The following PLPPR5 variants were observed in gnomAD, a reference collection of about 807,000 sequenced individuals.
PLPPR5 encodes the protein phospholipid phosphatase-related protein type 5.
In PLPPR5, 16 loss-of-function variants were observed where a neutral mutation model predicts 33.9. The observed-to-expected ratio is 0.47, with a 90% CI of 0.32 to 0.72. The LOEUF is 0.72. PLPPR5 is among the 30% of genes least tolerant of loss of function. PLPPR5 has a pLI of 0.03. For synonymous variants in PLPPR5, 163 were observed against 150.3 expected (o/e 1.08, Z -0.62); for missense variants, 301 against 406.7 (o/e 0.74, Z 2.23).
Position 99,004,552 on chromosome 1 carries a change from C to G in PLPPR5, c.120G>C (p.Val40=). Residue 40 remains valine (V), a synonymous_variant, in exon 1 of 6, where the codon GTG becomes GTC. Coordinates refer to ENST00000263177, the MANE Select transcript of PLPPR5 (RefSeq NM_001037317.2). ...FEYTDTFTVN[V]QGFFCHDSAY... ...CGCTGTCGTGGCAGAAGAAGCCCTG[C>G]ACGTTCACGGTGAACGTGTCCGTAT... 2 of 1,613,138 alleles carry G rather than the reference C, an allele frequency of 1.2e-6. No individual in the cohort carries two copies. The highest frequency in any genetic ancestry group is 2.2e-5 in the South Asian group (2 of 91,086).
At chr1:98,978,652 ATC>A (rs1651950890) in intron 1 of PLPPR5, among the ~76,000 whole-genome samples, 1 of 152,028 alleles carries the variant, frequency 6.6e-6, no homozygotes, top group Non-Finnish European at 1.5e-5. Flanking sequence ...TGGTTTTTTA[ATC>A]TGTTTCTTCT....
At chr1:98,901,012 C>T (rs1268084465) in intron 5 of PLPPR5, among the ~76,000 whole-genome samples, 3 of 152,128 alleles carry the variant, frequency 2.0e-5, no homozygotes, top group African/African-American at 7.2e-5. Context: ...AATATGTGTA[C>T]TCCCAAAAAA....
intron 4 of PLPPR5, among the ~76,000 whole-genome samples, chr1:98,920,611 C>CAAAAAAAAAAAAAAAAAAAAAAAAAA (rs1649516103): frequency 4.2e-5 from 1 of 23,926 alleles, no homozygotes; most frequent in Non-Finnish European, 1.2e-4. Flanking sequence ...AAAAAAAAAG[C>CAAAAAAAAAAAAAAAAAAAAAAAAAA]AGCACAGGAT....
At chr1:98,944,761 A>C (rs1167367077) in intron 3 of PLPPR5, among the ~76,000 whole-genome samples, 1 of 152,198 alleles carries the variant, frequency 6.6e-6, no homozygotes, top group Admixed American at 6.5e-5. Context: ...TGGGGAAAGC[A>C]GCTCTGGTAC....
At chr1:99,005,082 C>G (rs1243981598), upstream of PLPPR5, 1 of 152,776 alleles carries the variant, frequency 6.5e-6, no homozygotes, top group Non-Finnish European at 1.5e-5. Context: ...GCGGACGGGG[C>G]GGCAGCCGGC....
At chr1:98,949,610 T>G (rs990656687) in intron 3 of PLPPR5, among the ~76,000 whole-genome samples, 5 of 152,204 alleles carry the variant, frequency 3.3e-5, no homozygotes, top group African/African-American at 9.6e-5. Context: ...ATCAAAATTC[T>G]GGCAAGCATT....
In PLPPR5 at chr1:98,945,851, G is replaced by C. The variant is rs191076053; in HGVS notation, c.621+7219C>G. ...AAGCTGGTGATGGTTTAGAAACTCT[G>C]AGGTGGACAATGCAGTACTGGCTCT... On this transcript the variant is annotated intron_variant, in intron 3 of 5. Transcript: ENST00000263177. 3.9e-5 allele frequency among the ~76,000 whole-genome samples: 6 copies of C among 152,282 alleles called. No homozygotes were observed. In the East Asian group the frequency reaches 1.2e-3, roughly 29 times the overall value.
intron 1 of PLPPR5, among the ~76,000 whole-genome samples, chr1:98,976,361 A>C (rs1651852896): frequency 6.6e-6 from 1 of 152,112 alleles, no homozygotes; most frequent in South Asian, 2.1e-4. Flanking sequence ...TTTTTACAAA[A>C]AGGTGATGTA....
intron 4 of PLPPR5, among the ~76,000 whole-genome samples, chr1:98,920,151 C>T (rs1336747340): frequency 6.6e-6 from 1 of 152,062 alleles, no homozygotes; most frequent in Non-Finnish European, 1.5e-5. Flanking sequence ...TCAACATTCA[C>T]CAGACAGGGA....
intron 1 of PLPPR5, among the ~76,000 whole-genome samples, chr1:98,976,101 A>G (rs1258325088): frequency 5.3e-5 from 8 of 151,092 alleles, no homozygotes; most frequent in African/African-American, 1.2e-4. Flanking sequence ...GTAAAAAAAA[A>G]AAAAAAAAAA....
At chr1:98,911,158 G>T (rs1649133274) in intron 5 of PLPPR5, among the ~76,000 whole-genome samples, 2 of 152,148 alleles carry the variant, frequency 1.3e-5, no homozygotes, top group Admixed American at 1.3e-4. Context: ...CTGTGTGAGT[G>T]CAGGGGACAG....
chr1:98,925,071 T>G (rs1396276542), intron 3 of PLPPR5, among the ~76,000 whole-genome samples: 1 of 152,222 alleles, frequency 6.6e-6, no homozygotes, highest in Non-Finnish European at 1.5e-5. Context: ...ATAAGTGCCT[T>G]TTTAGCCAGT....
At chr1:98,937,494 A>G (rs1191081323) in intron 3 of PLPPR5, among the ~76,000 whole-genome samples, 1 of 151,846 alleles carries the variant, frequency 6.6e-6, no homozygotes. Context: ...TCACTGGAAC[A>G]CTGGTGCTTG....
chr1:98,981,389 C>T (rs1463601077), intron 1 of PLPPR5, among the ~76,000 whole-genome samples: 1 of 152,032 alleles, frequency 6.6e-6, no homozygotes, highest in East Asian at 1.9e-4. Flanking sequence ...TTCCTTCAAC[C>T]TACCAAGCTT....
At chr1:98,936,104 G>C (rs1401259858) in intron 3 of PLPPR5, among the ~76,000 whole-genome samples, 1 of 152,126 alleles carries the variant, frequency 6.6e-6, no homozygotes. Flanking sequence ...GAATTTCTTT[G>C]AGCCTCAGTT....
At chr1:98,926,634 A>G (rs1649774940) in intron 3 of PLPPR5, among the ~76,000 whole-genome samples, 2 of 152,088 alleles carry the variant, frequency 1.3e-5, no homozygotes, top group African/African-American at 4.8e-5. Context: ...AGTCAAATTT[A>G]TTATTGTTTT....
At chr1:98,965,216 G>A (rs563467405) in intron 1 of PLPPR5, among the ~76,000 whole-genome samples, 9 of 152,184 alleles carry the variant, frequency 5.9e-5, no homozygotes, top group African/African-American at 1.9e-4. Context: ...TCATTGGGAG[G>A]AAGAGATCTG....
At chr1:98,931,139 AG>A (rs1286816383) in intron 3 of PLPPR5, among the ~76,000 whole-genome samples, 1 of 152,162 alleles carries the variant, frequency 6.6e-6, no homozygotes, top group African/African-American at 2.4e-5. Flanking sequence ...TTTGCTACCC[AG>A]TATTCTGTTC....
intron 4 of PLPPR5, among the ~76,000 whole-genome samples, chr1:98,918,004 C>T (rs555426009): frequency 6.6e-6 from 1 of 152,234 alleles, no homozygotes; most frequent in South Asian, 2.1e-4. Context: ...TAGTGACTTC[C>T]GCATGTATAA....
Sources: allele counts gnomAD v4.1 joint callset (sites outside exome capture counted in the v4.1 genomes callset), GRCh38; gene constraint gnomAD v4.1.1; transcripts MANE v1.5; gene names NCBI Gene and HGNC (gene_info 2026-07-23, HGNC 2026-07-21).